The following DOCK1 variants were observed in gnomAD, a reference collection of about 807,000 sequenced individuals.
DOCK1 encodes the protein dedicator of cytokinesis protein 1.
Under a neutral mutation model 262.7 loss-of-function variants are expected in DOCK1, and 138 were observed. The ratio of observed to expected loss-of-function variants is 0.53; its 90% CI spans 0.46 to 0.61. The LOEUF is 0.61. Ranked by LOEUF, DOCK1 falls within the 20% of genes least tolerant of loss-of-function variation. The pLI is 0.00. For synonymous variants in DOCK1, 866 were observed against 867.4 expected (o/e 1.00, Z 0.03); for missense variants, 1,908 against 2,370.7 (o/e 0.80, Z 4.05).
chr10:127,078,702 C>T (rs1037363468), intron 23 of DOCK1, among the ~76,000 whole-genome samples: 1 of 152,144 alleles, frequency 6.6e-6, no homozygotes, highest in Non-Finnish European at 1.5e-5. Flanking sequence ...AGCCCAAATG[C>T]CCATCAGTCA....
At chr10:127,227,071 C>A (rs1372770566) in intron 27 of DOCK1, among the ~76,000 whole-genome samples, 1 of 152,214 alleles carries the variant, frequency 6.6e-6, no homozygotes, top group Non-Finnish European at 1.5e-5. Context: ...TTTTTATTAA[C>A]GAATGAGTAC....
At chr10:126,990,629 A>C (rs2039721051) in intron 6 of DOCK1, 26 bp downstream of exon 6, 1 of 1,610,158 alleles carries the variant, frequency 6.2e-7, no homozygotes, top group Non-Finnish European at 8.5e-7. Flanking sequence ...AGATGATTTT[A>C]CGCTTAAATT....
intron 21 of DOCK1, 121 bp downstream of exon 21, chr10:127,043,285 T>G: frequency 6.5e-6 from 5 of 766,622 alleles, no homozygotes; most frequent in Non-Finnish European, 1.1e-5. Flanking sequence ...ACTCTGAGTT[T>G]ACTGGAATAA....
chr10:127,090,331 C>T (rs12098781), intron 23 of DOCK1, among the ~76,000 whole-genome samples: 1,939 of 152,112 alleles, frequency 0.013, 48 homozygotes, highest in African/African-American at 0.043. Flanking sequence ...TGTCGGTCGC[C>T]GCTGGAGACC....
chr10:127,029,444 T>C (rs1445067017), intron 16 of DOCK1, among the ~76,000 whole-genome samples: 1 of 152,228 alleles, frequency 6.6e-6, no homozygotes, highest in Non-Finnish European at 1.5e-5. Context: ...TGGGTTAACA[T>C]AATACCTTTC....
chr10:127,093,355 C>T (rs1432023794), intron 23 of DOCK1, among the ~76,000 whole-genome samples: 2 of 148,834 alleles, frequency 1.3e-5, no homozygotes, highest in Admixed American at 6.8e-5. Context: ...AAGTAATCCT[C>T]CTACCTCAGC....
chr10:127,394,374 T>G (rs1243285918), intron 38 of DOCK1, among the ~76,000 whole-genome samples: 1 of 140,582 alleles, frequency 7.1e-6, no homozygotes. Flanking sequence ...AAAAAAAGCG[T>G]TTTACATCAT....
intron 29 of DOCK1, among the ~76,000 whole-genome samples, chr10:127,262,990 G>A (rs748711585): frequency 2.2e-4 from 34 of 152,296 alleles, no homozygotes; most frequent in Non-Finnish European, 4.3e-4. Context: ...CCCCAGAGCC[G>A]TGCCTGAGCC....
At chr10:127,181,115 T>C (rs553325390) in intron 27 of DOCK1, among the ~76,000 whole-genome samples, 1 of 152,202 alleles carries the variant, frequency 6.6e-6, no homozygotes, top group African/African-American at 2.4e-5. Flanking sequence ...GGTCATCTTT[T>C]ATTGTTTTGA....
At chr10:127,089,988 G>C (rs1213595113) in intron 23 of DOCK1, among the ~76,000 whole-genome samples, 1 of 152,152 alleles carries the variant, frequency 6.6e-6, no homozygotes, top group Non-Finnish European at 1.5e-5. Flanking sequence ...TAAAATGTTT[G>C]TTGAGACACA....
chr10:126,977,779 CTG>C (rs991856004), intron 2 of DOCK1, among the ~76,000 whole-genome samples, 167 bp from the exon 3 acceptor site: 28 of 152,268 alleles, frequency 1.8e-4, no homozygotes, highest in Middle Eastern at 6.8e-3. Flanking sequence ...GAAATGCTCT[CTG>C]GGAAACCACG....
At chr10:126,994,644 C>T (rs946222261) in intron 6 of DOCK1, among the ~76,000 whole-genome samples, 1 of 152,226 alleles carries the variant, frequency 6.6e-6, no homozygotes, top group African/African-American at 2.4e-5. Context: ...GGGGTAACGT[C>T]ATAGATTAAC....
chr10:127,005,410 G>A (rs1469443836), intron 10 of DOCK1, among the ~76,000 whole-genome samples: 2 of 152,096 alleles, frequency 1.3e-5, no homozygotes, highest in Non-Finnish European at 2.9e-5. Flanking sequence ...TATTCTATCT[G>A]TTCATAGGCT....
chr10:127,248,155 A>G (rs774578678), intron 28 of DOCK1, 46 bp downstream of exon 28: 2 of 1,510,502 alleles, frequency 1.3e-6, no homozygotes, highest in Non-Finnish European at 1.8e-6. Flanking sequence ...TTTTAGGGCC[A>G]GCACTTTAGA....
intron 29 of DOCK1, among the ~76,000 whole-genome samples, chr10:127,260,822 T>G (rs2060016009): frequency 6.8e-6 from 1 of 148,142 alleles, no homozygotes; most frequent in South Asian, 2.2e-4. Context: ...TCCCTGCATG[T>G]GTGTGCATGG....
At chr10:127,049,801 T>C (rs2044592655) in intron 21 of DOCK1, among the ~76,000 whole-genome samples, 1 of 152,006 alleles carries the variant, frequency 6.6e-6, no homozygotes, top group Non-Finnish European at 1.5e-5. Context: ...AAGATCAAAA[T>C]TTCAAGATTT....
In DOCK1 at chr10:127,419,645, A is replaced by G. The variant is rs7903415; in HGVS notation, c.4693-21A>G. 3.5e-3 allele frequency: 5,594 copies of G among 1,589,034 alleles called. 99 individuals are homozygous for G. In the African/African-American group the frequency reaches 0.046, roughly 13 times the overall value. On this transcript the variant is annotated intron_variant, in intron 45 of 51. Transcript: ENST00000623213. ...TGTTTGCTGAGCAGGTGCACTGAGC[A>G]ACTCTCCTTGTCTCCACCAGGCCTT...
chr10:126,953,288 TGTG>T (rs1405569521), intron 1 of DOCK1, among the ~76,000 whole-genome samples: 7 of 144,574 alleles, frequency 4.8e-5, no homozygotes, highest in Non-Finnish European at 7.6e-5. Flanking sequence ...TGTGGTGTGG[TGTG>T]GTGGTAGTGG....
intron 1 of DOCK1, among the ~76,000 whole-genome samples, chr10:126,920,033 A>G (rs1406690914): frequency 1.3e-5 from 2 of 152,184 alleles, no homozygotes; most frequent in African/African-American, 4.8e-5. Context: ...TGACGGGGTC[A>G]GCAGCCCTAA....
Sources: allele counts gnomAD v4.1 joint callset (sites outside exome capture counted in the v4.1 genomes callset), GRCh38; gene constraint gnomAD v4.1.1; transcripts MANE v1.5; gene names NCBI Gene and HGNC (gene_info 2026-07-23, HGNC 2026-07-21).